The following C1orf141 variants were observed in gnomAD, a reference collection of about 807,000 sequenced individuals.
C1orf141 encodes the protein uncharacterized protein C1orf141.
In C1orf141, 19 loss-of-function variants were observed where a neutral mutation model predicts 23.2. That is an observed-to-expected ratio of 0.82 (90% CI 0.57 to 1.20). C1orf141 has a LOEUF of 1.20. Among genes scored for constraint, C1orf141 ranks in the 50% most tolerant of loss-of-function variants. The pLI, the probability that C1orf141 is intolerant of heterozygous loss-of-function variation, is 0.00. For missense variants in C1orf141, 469 were observed against 455.1 expected (o/e 1.03, Z -0.28); for synonymous variants, 153 against 154.6 (o/e 0.99, Z 0.08).
chr1:67,126,807 G>T (rs1470627290), intron 3 of C1orf141, among the ~76,000 whole-genome samples: 1 of 152,156 alleles, frequency 6.6e-6, no homozygotes, highest in African/African-American at 2.4e-5. Flanking sequence ...GAGAAAGATC[G>T]CACCAGCAAT....
rs1553273508 is a variant in C1orf141 at position 67,101,487 on chromosome 1, T to TGA, written c.347-5168_347-5167dup. Among the ~76,000 whole-genome samples the TGA allele has an allele frequency of 3.4e-4, 51 of 150,550 alleles. 1 individual carries two copies. Among genetic ancestry groups the TGA allele is most frequent in the African/African-American group, 7.1e-4 (29 of 40,874 alleles). On this transcript the variant is annotated intron_variant, in intron 5 of 7. Transcript: ENST00000684719. ...GTGTGTGTGTGTGTGTGTGTGTGTG[T>TGA]GATGGAGTAGGTGGTTATAACAGGG...
At chr1:67,111,059 A>G (rs887356675) in intron 5 of C1orf141, among the ~76,000 whole-genome samples, 4 of 151,834 alleles carry the variant, frequency 2.6e-5, no homozygotes, top group African/African-American at 9.7e-5. Flanking sequence ...GGCACACTCA[A>G]TGCTCAGAGC....
chr1:67,123,382 T>C (rs1646339214), intron 4 of C1orf141: 1 of 152,174 alleles, frequency 6.6e-6, no homozygotes, highest in South Asian at 2.1e-4. Context: ...ATACATTTGA[T>C]TTATAAGATT....
At chr1:67,098,299 T>A (rs1188816893) in intron 5 of C1orf141, among the ~76,000 whole-genome samples, 1 of 152,134 alleles carries the variant, frequency 6.6e-6, no homozygotes, top group African/African-American at 2.4e-5. Flanking sequence ...GGTGGGTGGA[T>A]CACTTGAGGT....
intron 5 of C1orf141, among the ~76,000 whole-genome samples, chr1:67,112,830 A>T (rs1422699567): frequency 6.6e-6 from 1 of 152,226 alleles, no homozygotes. Flanking sequence ...TAGTCAGAGG[A>T]CGCCTCTCTG....
At chr1:67,106,594 G>GTTGCAGCAAGCTGAGA (rs1645932417) in intron 5 of C1orf141, among the ~76,000 whole-genome samples, 1 of 152,160 alleles carries the variant, frequency 6.6e-6, no homozygotes, top group Admixed American at 6.6e-5. Flanking sequence ...GGAGGCAGAG[G>GTTGCAGCAAGCTGAGA]TTGCAGCAAG....
At position 67,106,679 on chromosome 1, in the gene C1orf141, C is replaced by T. The variant is rs187404851; in HGVS notation, c.346+8673G>A. ...TCTAACAAACAAAAACAGAAACCAG[C>T]CAAACAAACAAACAAAAACTATGCT... On this transcript the variant is annotated intron_variant, in intron 5 of 7. Coordinates refer to ENST00000684719, the MANE Select transcript of C1orf141 (RefSeq NM_001276351.2). Among the ~76,000 whole-genome samples the T allele has an allele frequency of 3.6e-4, 54 of 151,672 alleles. 1 individual carries two copies. The highest frequency in any genetic ancestry group is 6.3e-4 in the African/African-American group (26 of 41,364).
chr1:67,103,245 TAA>T (rs1401309973), intron 5 of C1orf141: 1 of 1,419,120 alleles, frequency 7.0e-7, no homozygotes, highest in African/African-American at 1.4e-5. Flanking sequence ...TACCTGTAAA[TAA>T]AGTAGAGTCT....
chr1:67,136,335 C>T (rs910756726), upstream of C1orf141, among the ~76,000 whole-genome samples: 19 of 152,114 alleles, frequency 1.2e-4, no homozygotes, highest in African/African-American at 3.9e-4. Context: ...GTAGCCACTG[C>T]GACTGGCCAA....
chr1:67,100,470 A>G (rs1645772988), intron 5 of C1orf141, among the ~76,000 whole-genome samples: 3 of 152,056 alleles, frequency 2.0e-5, no homozygotes, highest in Admixed American at 1.3e-4. Flanking sequence ...ATCCTTGATG[A>G]TTATCTTTTA....
At chr1:67,123,044 A>T (rs1003602106) in intron 4 of C1orf141, 2 of 152,052 alleles carry the variant, frequency 1.3e-5, no homozygotes, top group Admixed American at 1.3e-4. Context: ...TCTACTAAAA[A>T]TACAAAACAT....
intron 5 of C1orf141, among the ~76,000 whole-genome samples, chr1:67,111,317 C>T (rs1646066992): frequency 1.3e-5 from 2 of 152,064 alleles, no homozygotes; most frequent in Non-Finnish European, 2.9e-5. Context: ...TCTGTCTTAA[C>T]TGACTTTATA....
chr1:67,125,366 A>G (rs948850386), intron 4 of C1orf141, among the ~76,000 whole-genome samples: 1 of 152,198 alleles, frequency 6.6e-6, no homozygotes, highest in African/African-American at 2.4e-5. Flanking sequence ...TTTAATATAC[A>G]TTGCATAATC....
rs1646124609 is a variant in C1orf141 at position 67,113,520 on chromosome 1, C to T, written c.346+1832G>A. 2.9e-5 allele frequency: 8 copies of T among 279,052 alleles called. No individual in the cohort carries two copies. In the South Asian group the frequency reaches 2.9e-4, roughly 10 times the overall value. The allele number at this position is 279,052 out of a possible 1,614,324, so 17.3% of individuals were successfully genotyped here. A position where few individuals can be genotyped will look rare whatever the true frequency, so the allele number is the denominator to read the frequency against. ...AGCTGGGATGACAGGTGTGTACTAC[C>T]ATGCCCGGCTAATTTTGTATTTTTA... is the stretch of plus-strand genomic sequence containing the variant. On this transcript the variant is annotated intron_variant, in intron 5 of 7. Transcript: ENST00000684719.
rs371715969 is a variant in C1orf141, at chr1:67,108,621, A to G, written c.346+6731T>C. On this transcript the variant is annotated intron_variant, in intron 5 of 7. Coordinates refer to ENST00000684719, the MANE Select transcript of C1orf141 (RefSeq NM_001276351.2). ...TGCATACCTGTAGTCCCAGCTATTC[A>G]GGAAGCTGAGGCAGTAGAATCACTG... Among the ~76,000 whole-genome samples, 7 of 152,196 alleles carry G rather than the reference A, an allele frequency of 4.6e-5. No individual in the cohort carries two copies. In the East Asian group the frequency reaches 1.2e-3, roughly 25 times the overall value.
chr1:67,115,333 A>G lies in C1orf141; in HGVS notation c.346+19T>C, dbSNP rs1646171911. The G allele has an allele frequency of 2.3e-6, 2 of 873,388 alleles. No homozygotes were observed. Among genetic ancestry groups the G allele is most frequent in the African/African-American group, 3.4e-5 (2 of 58,986 alleles). The allele number at this position is 873,388 out of a possible 1,614,324, so 54.1% of individuals were successfully genotyped here. ...CCATTAATAAATCAAAGAAGTAAAT[A>G]TGTTACACAAAGCATTACCTGTTGA... On this transcript the variant is annotated intron_variant, in intron 5 of 7. Coordinates refer to ENST00000684719, the MANE Select transcript of C1orf141 (RefSeq NM_001276351.2).
At position 67,115,348 on chromosome 1, in the gene C1orf141, T is replaced by A; in HGVS notation, c.346+4A>T. On this transcript the variant is annotated splice_donor_region_variant and intron_variant, in intron 5 of 7. Transcript: ENST00000684719. ...AGAAGTAAATATGTTACACAAAGCATTACCTGTTGACTCACTTTCTTTATT... is the reference window on the plus strand; with the variant it reads ...AGAAGTAAATATGTTACACAAAGCAATACCTGTTGACTCACTTTCTTTATT... 9.9e-7 allele frequency: 1 copy of A among 1,011,188 alleles called. No individual in the cohort carries two copies. Among genetic ancestry groups the A allele is most frequent in the Non-Finnish European group, 1.5e-6 (1 of 650,542 alleles). The allele number at this position is 1,011,188 out of a possible 1,614,324, so 62.6% of individuals were successfully genotyped here.
intron 5 of C1orf141, among the ~76,000 whole-genome samples, 175 bp from the exon 6 acceptor site, chr1:67,096,496 A>T (rs1645684760): frequency 1.3e-5 from 2 of 152,260 alleles, no homozygotes; most frequent in South Asian, 4.1e-4. Flanking sequence ...AGAACTGGAA[A>T]AGACTGAGAT....
chr1:67,125,678 A>T, intron 4 of C1orf141, 74 bp downstream of exon 4: 1 of 1,389,742 alleles, frequency 7.2e-7, no homozygotes, highest in African/African-American at 1.4e-5. Flanking sequence ...TACCCTAGGC[A>T]ATGAGTGAGT....
Sources: allele counts gnomAD v4.1 joint callset (sites outside exome capture counted in the v4.1 genomes callset), GRCh38; gene constraint gnomAD v4.1.1; transcripts MANE v1.5; gene names NCBI Gene and HGNC (gene_info 2026-07-23, HGNC 2026-07-21).